CENPK: variants seen among roughly 807,000 people sequenced by gnomAD.
CENPK encodes centromere protein K, also known as SoxLZ/Sox6-binding protein Solt.
Under a neutral mutation model 40.9 loss-of-function variants are expected in CENPK, and 46 were observed. The ratio of observed to expected loss-of-function variants is 1.13; its 90% CI spans 0.89 to 1.44. The LOEUF (loss-of-function observed/expected upper bound fraction) is 1.44, where lower values mean the gene tolerates loss of function less well. Among genes scored for constraint, CENPK ranks in the 40% most tolerant of loss-of-function variants. The pLI, the probability that CENPK is intolerant of heterozygous loss-of-function variation, is 0.00. For missense variants in CENPK, 288 were observed against 303.5 expected (o/e 0.95, Z 0.38); for synonymous variants, 107 against 104.4 (o/e 1.02, Z -0.15).
Position 65,542,413 on chromosome 5 carries a change from C to T in CENPK, c.288+389G>A, listed in dbSNP as rs562584109. Among the ~76,000 whole-genome samples, 4 of 152,202 alleles carry T rather than the reference C, an allele frequency of 2.6e-5. No individual in the cohort carries two copies. In the East Asian group the frequency reaches 7.7e-4, roughly 29 times the overall value. ...CAGCACTTTGGGAGACTGAGGCGGG[C>T]AGATCACGAAGTCAGGAGTTCAAGA... is the stretch of plus-strand genomic sequence containing the variant. On this transcript the variant is annotated intron_variant, in intron 6 of 10. Transcript: ENST00000396679.
intron 6 of CENPK, among the ~76,000 whole-genome samples, chr5:65,541,647 G>A (rs1748007896): frequency 6.6e-6 from 1 of 152,078 alleles, no homozygotes. Flanking sequence ...GACTATTCTG[G>A]TATTATCTAA....
chr5:65,521,021 AT>A (rs1301857782), intron 10 of CENPK, among the ~76,000 whole-genome samples: 1 of 152,302 alleles, frequency 6.6e-6, no homozygotes, highest in Admixed American at 6.5e-5. Context: ...GACTGATGTT[AT>A]TTTTTAAAAA....
chr5:65,556,834 C>T (rs958307717), intron 2 of CENPK, among the ~76,000 whole-genome samples: 4 of 152,090 alleles, frequency 2.6e-5, no homozygotes, highest in South Asian at 2.1e-4. Flanking sequence ...TTTTACTGTA[C>T]CGTTTCTATG....
At chr5:65,520,411 C>T (rs1743505722) in intron 10 of CENPK, among the ~76,000 whole-genome samples, 1 of 151,980 alleles carries the variant, frequency 6.6e-6, no homozygotes, top group Admixed American at 6.6e-5. Flanking sequence ...TTTACAGCAA[C>T]ACAAGAATGG....
intron 3 of CENPK, among the ~76,000 whole-genome samples, 165 bp downstream of exon 3, chr5:65,554,632 G>A (rs1750685042): frequency 6.6e-6 from 1 of 152,094 alleles, no homozygotes. Flanking sequence ...CTCATCTAGT[G>A]TAAAGTTTCT....
intron 6 of CENPK, among the ~76,000 whole-genome samples, chr5:65,531,005 A>C (rs567979380): frequency 6.6e-6 from 1 of 152,056 alleles, no homozygotes; most frequent in Non-Finnish European, 1.5e-5. Context: ...AGAAAGATAA[A>C]TCAAGGCCAA....
rs184949312 is a variant in CENPK at position 65,560,215 on chromosome 5, G to A, written c.-40+1248C>T. On this transcript the variant is annotated intron_variant, in intron 2 of 10. Coordinates refer to ENST00000396679, the MANE Select transcript of CENPK (RefSeq NM_022145.5). The stretch of plus-strand genomic sequence containing the variant: ...TAAAATTTAAAACCCCCAAACCTAG[G>A]AGAAATACTTGTAATATATATGGCA... Among the ~76,000 whole-genome samples, 287 of 151,660 alleles carry A rather than the reference G, an allele frequency of 1.9e-3. 3 individuals are homozygous for A. The highest frequency in any genetic ancestry group is 6.8e-3 in the African/African-American group (283 of 41,324).
the CENPK span, among the ~76,000 whole-genome samples, chr5:65,505,526 A>C: frequency 6.6e-6 from 1 of 152,206 alleles, no homozygotes; most frequent in African/African-American, 2.4e-5. Context: ...CTGTAGTCCA[A>C]GCTACTTGGG....
chr5:65,501,174 G>GTTTTT, the CENPK span, among the ~76,000 whole-genome samples: 96 of 61,686 alleles, frequency 1.6e-3, no homozygotes, highest in African/African-American at 3.0e-3. Context: ...TGCTAAGTTT[G>GTTTTT]TTTTTTTTTT....
At chr5:65,539,422 G>A (rs1383561036) in intron 6 of CENPK, among the ~76,000 whole-genome samples, 1 of 152,180 alleles carries the variant, frequency 6.6e-6, no homozygotes, top group Non-Finnish European at 1.5e-5. Context: ...TGGTGGGAGC[G>A]ACATAGGATA....
At chr5:65,504,439 A>C in the CENPK span, among the ~76,000 whole-genome samples, 1 of 145,144 alleles carries the variant, frequency 6.9e-6, no homozygotes, top group Non-Finnish European at 1.5e-5. Flanking sequence ...CCTGGGAGAC[A>C]AGAGCAAAAT....
At chr5:65,541,236 GA>G (rs2150443211) in intron 6 of CENPK, 1 of 358,742 alleles carries the variant, frequency 2.8e-6, no homozygotes, top group East Asian at 7.5e-5. Flanking sequence ...GGGGATCATG[GA>G]AACCCCTGAT....
rs564621932 is a variant in CENPK at position 65,534,606 on chromosome 5, A to G, written c.289-5407T>C. ...TATACATGGTCATTAATTTTCAACA[A>G]AAGTGTAAAGGAAATTCAAAAAAGA... is the stretch of plus-strand genomic sequence containing the variant. On this transcript the variant is annotated intron_variant, in intron 6 of 10. Transcript: ENST00000396679. Among the ~76,000 whole-genome samples the G allele has an allele frequency of 4.6e-5, 7 of 152,344 alleles. No individual in the cohort carries two copies. The South Asian group carries it at 1.4e-3, about 32-fold the overall frequency.
chr5:65,506,790 A>C, the CENPK span, among the ~76,000 whole-genome samples: 4 of 152,198 alleles, frequency 2.6e-5, no homozygotes, highest in African/African-American at 4.8e-5. Flanking sequence ...GTCTCAAAAA[A>C]AAAAAAAGTC....
At chr5:65,553,115 T>TG (rs1561689878) in intron 3 of CENPK, among the ~76,000 whole-genome samples, 2 of 151,750 alleles carry the variant, frequency 1.3e-5, no homozygotes, top group African/African-American at 4.8e-5. Context: ...AATAAAAAGG[T>TG]GGGGGGATTA....
chr5:65,526,872 C>G (rs376153230), intron 9 of CENPK, among the ~76,000 whole-genome samples: 3 of 152,070 alleles, frequency 2.0e-5, no homozygotes, highest in African/African-American at 7.2e-5. Context: ...GTGGGCGGAT[C>G]AACTGAGGTC....
chr5:65,501,990 T>G, the CENPK span, among the ~76,000 whole-genome samples: 6 of 152,176 alleles, frequency 3.9e-5, no homozygotes, highest in Non-Finnish European at 7.3e-5. Context: ...CCACATGGCC[T>G]TCTTACTGCT....
chr5:65,498,927 C>A, the CENPK span, among the ~76,000 whole-genome samples: 8 of 152,152 alleles, frequency 5.3e-5, no homozygotes, highest in South Asian at 1.2e-3. Flanking sequence ...AGTCAACATA[C>A]CCGGTCTTGT....
At chr5:65,535,175 C>T (rs998385378) in intron 6 of CENPK, among the ~76,000 whole-genome samples, 4 of 151,924 alleles carry the variant, frequency 2.6e-5, no homozygotes, top group Admixed American at 6.6e-5. Flanking sequence ...AAGGTTACAA[C>T]GAACTGAGAT....
Sources: gnomAD v4.1 joint callset for allele counts (sites outside exome capture counted in the v4.1 genomes callset) on GRCh38, gnomAD v4.1.1 for gene constraint, MANE v1.5 for transcripts, NCBI Gene and HGNC (gene_info 2026-07-23, HGNC 2026-07-21) for gene names.